OPRM1: variants seen among roughly 807,000 people sequenced by gnomAD.
OPRM1 encodes opioid receptor mu 1.
OPRM1 carries 27 observed loss-of-function variants against 31.8 expected under a neutral mutation model. The ratio of observed to expected loss-of-function variants is 0.85; its 90% CI spans 0.63 to 1.17. OPRM1 has a LOEUF of 1.17. OPRM1 is among the 50% of genes most tolerant of loss of function. The probability of loss-of-function intolerance (pLI) is 0.00; values close to 1 mark genes in which losing one functional copy is unlikely to be tolerated. For missense variants in OPRM1, 536 were observed against 511.1 expected (o/e 1.05, Z -0.47); for synonymous variants, 196 against 189.9 (o/e 1.03, Z -0.26).
chr6:154,138,595 A>G (rs1217906363), intron 3 of OPRM1, among the ~76,000 whole-genome samples: 1 of 152,198 alleles, frequency 6.6e-6, no homozygotes, highest in African/African-American at 2.4e-5. Context: ...GGAGACAGAG[A>G]AAGAGGTCCA....
intron 3 of OPRM1, among the ~76,000 whole-genome samples, chr6:154,202,754 T>G (rs1777173899): frequency 6.6e-6 from 1 of 152,216 alleles, no homozygotes; most frequent in Non-Finnish European, 1.5e-5. Context: ...TCATCGTGTT[T>G]GTGCTATGAC....
chr6:154,036,548 G>A (rs758991660), upstream of OPRM1, among the ~76,000 whole-genome samples: 1 of 151,890 alleles, frequency 6.6e-6, no homozygotes, highest in African/African-American at 2.4e-5. Flanking sequence ...TGGGAATGGG[G>A]TTGCTCTTTG....
chr6:154,118,694 G>A lies in OPRM1; in HGVS notation c.1176G>A (p.Leu392=), dbSNP rs1477995496. 1 of 1,613,060 alleles carries A rather than the reference G, an allele frequency of 6.2e-7. No homozygotes were observed. The highest frequency in any genetic ancestry group is 8.5e-7 in the Non-Finnish European group (1 of 1,179,514). ...TTCTCTCCTTTCAGCTAGAAAATCTGGAAGCAGAAACTGCTCCGTTGCCCT... is the reference window on the plus strand; with the variant it reads ...TTCTCTCCTTTCAGCTAGAAAATCTAGAAGCAGAAACTGCTCCGTTGCCCT... ...VDRTNHQLEN[L]EAETAPLP Residue 392 remains leucine (L), a synonymous_variant, in exon 4 of 4, where the codon CTG becomes CTA. Transcript: ENST00000330432.
rs537586050 is a variant in OPRM1 at position 154,131,252 on chromosome 6, T to A, written c.*12531T>A. Among the ~76,000 whole-genome samples the A allele has an allele frequency of 2.6e-5, 4 of 152,286 alleles. No individual in the cohort carries two copies. The highest frequency in any genetic ancestry group is 6.5e-5 in the Admixed American group (1 of 15,276). ...TTCCGTAGGAAAAAAATCAAAATAT[T>A]GTAAAGAATCTGAGTAAATGAGAGC... On this transcript the variant is annotated 3_prime_UTR_variant, in exon 4 of 4. Coordinates refer to ENST00000330432, the MANE Select transcript of OPRM1 (RefSeq NM_000914.5).
intron 1 of OPRM1, among the ~76,000 whole-genome samples, chr6:154,053,608 T>C (rs1782623009): frequency 6.6e-6 from 1 of 152,196 alleles, no homozygotes; most frequent in Non-Finnish European, 1.5e-5. Context: ...ACTTCTTGTC[T>C]ACAGTTTTGT....
downstream of OPRM1, among the ~76,000 whole-genome samples, chr6:154,134,472 G>T (rs1354591712): frequency 2.0e-5 from 3 of 152,098 alleles, no homozygotes; most frequent in East Asian, 5.8e-4. Context: ...AGATACAATG[G>T]CCCTGGTTCT....
chr6:154,246,819 T>A, exon 4 of OPRM1: 1 of 1,527,326 alleles, frequency 6.5e-7, no homozygotes, highest in Non-Finnish European at 8.9e-7. Flanking sequence ...AGGTAAAGTA[T>A]TATCCTGATT....
chr6:154,209,992 C>T (rs1182515209), intron 3 of OPRM1, among the ~76,000 whole-genome samples: 1 of 152,210 alleles, frequency 6.6e-6, no homozygotes, highest in Non-Finnish European at 1.5e-5. Flanking sequence ...AGTGACCTAA[C>T]TTACTGGCTT....
At chr6:154,021,750 T>C (rs1365320296) in intron 1 of OPRM1, among the ~76,000 whole-genome samples, 1 of 152,346 alleles carries the variant, frequency 6.6e-6, no homozygotes, top group East Asian at 1.9e-4. Context: ...AAATCCCATT[T>C]ATTTGTTGCT....
intron 1 of OPRM1, among the ~76,000 whole-genome samples, chr6:154,068,228 A>G (rs1476899766): frequency 6.6e-6 from 1 of 152,130 alleles, no homozygotes; most frequent in Admixed American, 6.6e-5. Context: ...TGTAATGAAA[A>G]CACAACATTC....
intron 3 of OPRM1, among the ~76,000 whole-genome samples, chr6:154,192,294 A>G (rs1162856302): frequency 6.8e-6 from 1 of 147,164 alleles, no homozygotes; most frequent in Non-Finnish European, 1.5e-5. Flanking sequence ...CTGTTTCTTG[A>G]CCCAAATGGT....
At chr6:154,181,086 G>A (rs1490112479) in intron 3 of OPRM1, among the ~76,000 whole-genome samples, 2 of 152,082 alleles carry the variant, frequency 1.3e-5, no homozygotes, top group Non-Finnish European at 2.9e-5. Flanking sequence ...CAAAAGATCA[G>A]AAGAATTGTA....
chr6:154,136,889 T>C (rs1053307133), downstream of OPRM1, among the ~76,000 whole-genome samples: 4 of 152,206 alleles, frequency 2.6e-5, no homozygotes, highest in African/African-American at 9.7e-5. Flanking sequence ...TTCCTGCTGC[T>C]ATTTGGGGAT....
At chr6:154,031,794 G>C (rs1374388379) in intron 1 of OPRM1, among the ~76,000 whole-genome samples, 1 of 152,062 alleles carries the variant, frequency 6.6e-6, no homozygotes, top group Non-Finnish European at 1.5e-5. Context: ...CTGTGTGCTA[G>C]AGGAAAAAAA....
intron 3 of OPRM1, among the ~76,000 whole-genome samples, chr6:154,189,405 A>G (rs1801666389): frequency 6.6e-6 from 1 of 152,218 alleles, no homozygotes; most frequent in Non-Finnish European, 1.5e-5. Flanking sequence ...AAATGCAGGC[A>G]TATGTGGACC....
chr6:154,049,958 T>C (rs2128414081), intron 1 of OPRM1, among the ~76,000 whole-genome samples: 1 of 152,348 alleles, frequency 6.6e-6, no homozygotes, highest in Non-Finnish European at 1.5e-5. Context: ...GATATTGGCC[T>C]GTATTTTTCT....
chr6:154,065,539 T>G (rs1262554024), intron 1 of OPRM1, among the ~76,000 whole-genome samples: 5 of 152,204 alleles, frequency 3.3e-5, no homozygotes, highest in Non-Finnish European at 7.3e-5. Context: ...AATTAAACTA[T>G]TTTTCTAATT....
chr6:154,068,850 C>T (rs1483733241), intron 1 of OPRM1, among the ~76,000 whole-genome samples: 1 of 152,204 alleles, frequency 6.6e-6, no homozygotes, highest in African/African-American at 2.4e-5. Context: ...TTCCATTTCT[C>T]TCCATCCTTG....
At chr6:154,144,748 CAAAAAAAAAA>C (rs58367883) in intron 3 of OPRM1, among the ~76,000 whole-genome samples, 110 of 70,502 alleles carry the variant, frequency 1.6e-3, no homozygotes, top group African/African-American at 5.5e-3. Context: ...GACTCTGTCT[CAAAAAAAAAA>C]AAAAAAAAAA....
Sources: allele counts gnomAD v4.1 joint callset (sites outside exome capture counted in the v4.1 genomes callset), GRCh38; gene constraint gnomAD v4.1.1; transcripts MANE v1.5; gene names NCBI Gene and HGNC (gene_info 2026-07-23, HGNC 2026-07-21).